KCTD16: variants seen among roughly 807,000 people sequenced by gnomAD.
KCTD16 encodes the protein BTB/POZ domain-containing protein KCTD16.
KCTD16 carries 13 observed loss-of-function variants against 33.2 expected under a neutral mutation model. That is an observed-to-expected ratio of 0.39 (90% CI 0.25 to 0.62). KCTD16 has a LOEUF of 0.62. Ranked by LOEUF, KCTD16 falls within the 20% of genes least tolerant of loss-of-function variation. The pLI, the probability that KCTD16 is intolerant of heterozygous loss-of-function variation, is 0.50. For synonymous variants in KCTD16, 197 were observed against 195.3 expected (o/e 1.01, Z -0.07); for missense variants, 441 against 525.1 (o/e 0.84, Z 1.57).
At chr5:144,187,914 A>G (rs1580774811) in intron 2 of KCTD16, among the ~76,000 whole-genome samples, 1 of 152,186 alleles carries the variant, frequency 6.6e-6, no homozygotes, top group African/African-American at 2.4e-5. Flanking sequence ...AAATATTTGC[A>G]CAAGCCATTG....
Position 144,375,719 on chromosome 5 carries a change from A to T in KCTD16, c.833-97941A>T, listed in dbSNP as rs1020654163. 3.8e-4 allele frequency among the ~76,000 whole-genome samples: 58 copies of T among 152,178 alleles called. 1 individual carries two copies. The highest frequency in any genetic ancestry group is 5.4e-4 in the Non-Finnish European group (37 of 68,016). ...GGCTTTGCCTTGGTGTTCCCATTTG[A>T]AAATGGAGAGGTGAGAAACCAAGAT... On this transcript the variant is annotated intron_variant, in intron 3 of 3. Coordinates refer to ENST00000512467, the MANE Select transcript of KCTD16 (RefSeq NM_020768.4).
At chr5:144,434,134 C>T (rs1377800152) in intron 3 of KCTD16, among the ~76,000 whole-genome samples, 2 of 152,134 alleles carry the variant, frequency 1.3e-5, no homozygotes, top group African/African-American at 4.8e-5. Flanking sequence ...GGAGATTACT[C>T]ACCTGTTACA....
intron 3 of KCTD16, among the ~76,000 whole-genome samples, chr5:144,322,092 G>A (rs1752086298): frequency 6.6e-6 from 1 of 152,096 alleles, no homozygotes; most frequent in South Asian, 2.1e-4. Flanking sequence ...TTGATCTCGA[G>A]GGATAAGAAT....
intron 3 of KCTD16, among the ~76,000 whole-genome samples, chr5:144,461,792 T>A (rs190945907): frequency 6.6e-6 from 1 of 152,360 alleles, no homozygotes; most frequent in East Asian, 1.9e-4. Flanking sequence ...AAAGGCAGTA[T>A]GTTTTCTTTC....
At chr5:144,370,273 A>G (rs1385743557) in intron 3 of KCTD16, among the ~76,000 whole-genome samples, 1 of 152,178 alleles carries the variant, frequency 6.6e-6, no homozygotes, top group Non-Finnish European at 1.5e-5. Flanking sequence ...AGCTCCTGAC[A>G]GAGAAACTTG....
Position 144,293,797 on chromosome 5 carries a change from A to G in KCTD16, c.832+86251A>G, listed in dbSNP as rs75120377. On this transcript the variant is annotated intron_variant, in intron 3 of 3. Coordinates refer to ENST00000512467, the MANE Select transcript of KCTD16 (RefSeq NM_020768.4). ...GAGAAGCCAGTTACATTTTGCATAT[A>G]ATGTTGAATGCTTTTTAGAAAATTA... Among the ~76,000 whole-genome samples the G allele has an allele frequency of 1.1e-4, 17 of 152,344 alleles. No individual in the cohort carries two copies. In the East Asian group the frequency reaches 3.3e-3, roughly 29 times the overall value.
chr5:144,284,481 C>T (rs776771005), intron 3 of KCTD16, among the ~76,000 whole-genome samples: 7 of 152,208 alleles, frequency 4.6e-5, no homozygotes, highest in African/African-American at 7.2e-5. Context: ...AAAACTCTAA[C>T]AGTAACAATT....
At chr5:144,432,959 A>G (rs547047910) in intron 3 of KCTD16, among the ~76,000 whole-genome samples, 3 of 152,234 alleles carry the variant, frequency 2.0e-5, no homozygotes, top group South Asian at 4.2e-4. Context: ...ATCATTGCCA[A>G]AATTATTTCC....
chr5:144,287,323 C>A (rs1755771714), intron 3 of KCTD16, among the ~76,000 whole-genome samples: 1 of 95,756 alleles, frequency 1.0e-5, no homozygotes, highest in Non-Finnish European at 2.7e-5. Flanking sequence ...TGAGGCGGGA[C>A]ACCAGTTCAA....
At chr5:144,299,355 A>G (rs1432331311) in intron 3 of KCTD16, among the ~76,000 whole-genome samples, 1 of 151,442 alleles carries the variant, frequency 6.6e-6, no homozygotes, top group Non-Finnish European at 1.5e-5. Context: ...CTCTATCAGA[A>G]TAACAACTTA....
chr5:144,312,886 G>C (rs1751802483), intron 3 of KCTD16, among the ~76,000 whole-genome samples: 1 of 152,148 alleles, frequency 6.6e-6, no homozygotes, highest in African/African-American at 2.4e-5. Context: ...AAACTTGTTT[G>C]ATTCTTAAGA....
Position 144,480,771 on chromosome 5 carries a change from A to G in KCTD16, c.*6657A>G, listed in dbSNP as rs1359699868. The G allele has an allele frequency of 6.6e-6, 1 of 151,952 alleles. No individual in the cohort carries two copies. 9.4% of individuals were successfully genotyped at this position (151,952 alleles called of 1,614,324 possible). A position where few individuals can be genotyped will look rare whatever the true frequency, so the allele number is the denominator to read the frequency against. On this transcript the variant is annotated 3_prime_UTR_variant, in exon 4 of 4. Coordinates refer to ENST00000512467, the MANE Select transcript of KCTD16 (RefSeq NM_020768.4). ...TACAGTGTACTGGAAAGCCCTCCAT[A>G]ACAAAAAGTTATCCAGCCCACAATG...
At chr5:144,314,717 A>C (rs1321883591) in intron 3 of KCTD16, among the ~76,000 whole-genome samples, 1 of 152,232 alleles carries the variant, frequency 6.6e-6, no homozygotes, top group Non-Finnish European at 1.5e-5. Flanking sequence ...ATTTGAATAC[A>C]CAAAGCTTTA....
intron 3 of KCTD16, among the ~76,000 whole-genome samples, chr5:144,220,988 G>A (rs902897440): frequency 2.0e-5 from 3 of 151,960 alleles, no homozygotes; most frequent in African/African-American, 7.2e-5. Context: ...AAAGAAAAGG[G>A]CAACTTGAAC....
At chr5:144,279,573 G>A (rs1457091118) in intron 3 of KCTD16, among the ~76,000 whole-genome samples, 1 of 152,206 alleles carries the variant, frequency 6.6e-6, no homozygotes, top group Non-Finnish European at 1.5e-5. Flanking sequence ...AGAAGTCCAA[G>A]ATCAAGGCAT....
chr5:144,425,777 C>T (rs1023086315), intron 3 of KCTD16, among the ~76,000 whole-genome samples: 8 of 152,006 alleles, frequency 5.3e-5, no homozygotes, highest in Non-Finnish European at 8.8e-5. Flanking sequence ...AGTGAGCTTA[C>T]GAAGAGCACC....
At chr5:144,358,090 A>ATTTTTTT (rs539287370) in intron 3 of KCTD16, among the ~76,000 whole-genome samples, 5 of 114,438 alleles carry the variant, frequency 4.4e-5, no homozygotes, top group Non-Finnish European at 6.9e-5. Context: ...CACCCGGCTA[A>ATTTTTTT]TTTTTTTTTT....
chr5:144,237,689 G>A lies in KCTD16; in HGVS notation c.832+30143G>A, dbSNP rs1297516338. ...ACACCAACCACCAACAACAGTCCAC[G>A]TCGTTGATTAGTCTTGAAGAAAATG... On this transcript the variant is annotated intron_variant, in intron 3 of 3. Coordinates refer to ENST00000512467, the MANE Select transcript of KCTD16 (RefSeq NM_020768.4). Among the ~76,000 whole-genome samples the A allele has an allele frequency of 3.3e-5, 5 of 152,170 alleles. No individual in the cohort carries two copies. In the East Asian group the frequency reaches 5.8e-4, roughly 18 times the overall value.
At chr5:144,394,571 T>C (rs1168278975) in intron 3 of KCTD16, among the ~76,000 whole-genome samples, 2 of 152,212 alleles carry the variant, frequency 1.3e-5, no homozygotes, top group Admixed American at 1.3e-4. Context: ...CCAAATCTCA[T>C]CTTGAATTGT....
Sources: allele counts gnomAD v4.1 joint callset (sites outside exome capture counted in the v4.1 genomes callset), GRCh38; gene constraint gnomAD v4.1.1; transcripts MANE v1.5; gene names NCBI Gene and HGNC (gene_info 2026-07-23, HGNC 2026-07-21).